PEBP4: variants seen among roughly 807,000 people sequenced by gnomAD.
PEBP4 encodes the protein phosphatidylethanolamine binding protein 4, also known as phosphatidylethanolamine-binding protein 4.
Under a neutral mutation model 23.9 loss-of-function variants are expected in PEBP4, and 22 were observed. That is an observed-to-expected ratio of 0.92 (90% CI 0.66 to 1.31). PEBP4 has a LOEUF of 1.31. Ranked by LOEUF, PEBP4 falls within the 40% of genes most tolerant of loss-of-function variation. The probability of loss-of-function intolerance (pLI) is 0.00; values close to 1 mark genes in which losing one functional copy is unlikely to be tolerated. For synonymous variants in PEBP4, 112 were observed against 99.3 expected (o/e 1.13, Z -0.76); for missense variants, 324 against 281.7 (o/e 1.15, Z -1.07).
intron 4 of PEBP4, among the ~76,000 whole-genome samples, chr8:22,805,256 G>A (rs1278302085): frequency 6.6e-6 from 1 of 152,230 alleles, no homozygotes; most frequent in Non-Finnish European, 1.5e-5. Context: ...CATCAAGAGT[G>A]AACCCTAATG....
intron 4 of PEBP4, among the ~76,000 whole-genome samples, chr8:22,736,547 G>C (rs1207901674): frequency 6.6e-6 from 1 of 152,200 alleles, no homozygotes; most frequent in Non-Finnish European, 1.5e-5. Flanking sequence ...CGAGGCTGTA[G>C]TGAGCTATAT....
At chr8:22,748,122 GAGGA>G (rs1184403354) in intron 4 of PEBP4, among the ~76,000 whole-genome samples, 1 of 152,222 alleles carries the variant, frequency 6.6e-6, no homozygotes, top group Non-Finnish European at 1.5e-5. Flanking sequence ...AGGGAGGTGT[GAGGA>G]AGGGAGACCA....
intron 4 of PEBP4, among the ~76,000 whole-genome samples, chr8:22,766,574 A>C (rs189916464): frequency 6.6e-6 from 1 of 152,316 alleles, no homozygotes; most frequent in African/African-American, 2.4e-5. Context: ...CTCTGCGATG[A>C]TGCGACCTGG....
chr8:22,744,001 G>A (rs1015769140), intron 4 of PEBP4, among the ~76,000 whole-genome samples: 1 of 152,224 alleles, frequency 6.6e-6, no homozygotes, highest in African/African-American at 2.4e-5. Flanking sequence ...TGGGGGTTGT[G>A]GCTGCAGGCC....
intron 4 of PEBP4, among the ~76,000 whole-genome samples, chr8:22,767,779 G>C (rs775703027): frequency 6.6e-6 from 1 of 152,010 alleles, no homozygotes; most frequent in Non-Finnish European, 1.5e-5. Context: ...TTTTGAGATG[G>C]AGTTTGGCTC....
At chr8:22,719,145 C>T (rs576230131) in intron 6 of PEBP4, among the ~76,000 whole-genome samples, 2 of 152,156 alleles carry the variant, frequency 1.3e-5, no homozygotes, top group African/African-American at 4.8e-5. Flanking sequence ...TGCTAGGGAG[C>T]GGCTTATGGC....
intron 4 of PEBP4, among the ~76,000 whole-genome samples, chr8:22,805,209 G>A (rs1183458927): frequency 2.0e-5 from 3 of 152,232 alleles, no homozygotes; most frequent in African/African-American, 4.8e-5. Context: ...GTGGATACAC[G>A]TCGTGATGCA....
At position 22,775,983 on chromosome 8, in the gene PEBP4, C is replaced by T. The variant is rs1563212564; in HGVS notation, c.357+41654G>A. ...TGGAACAATGGGGGTTGCAGATGCA[C>T]ACAGAGGGGTGTCTGTGTGCACCAG... On this transcript the variant is annotated intron_variant, in intron 4 of 6. Coordinates refer to ENST00000256404, the MANE Select transcript of PEBP4 (RefSeq NM_144962.3). This position sits in a 1 kb window ranked among gnomAD's most constrained non-coding sequence, Gnocchi z 4.8. Among the ~76,000 whole-genome samples the T allele has an allele frequency of 2.0e-5, 3 of 152,068 alleles. No individual in the cohort carries two copies. The highest frequency in any genetic ancestry group is 1.5e-5 in the Non-Finnish European group (1 of 67,998).
chr8:22,824,815 G>C (rs1260550940), intron 3 of PEBP4, among the ~76,000 whole-genome samples: 1 of 152,208 alleles, frequency 6.6e-6, no homozygotes, highest in Admixed American at 6.5e-5. Context: ...GTGGAGCCCA[G>C]GTGGTAACAG....
upstream of PEBP4, among the ~76,000 whole-genome samples, chr8:22,929,259 G>C (rs1563265610): frequency 6.6e-6 from 1 of 152,146 alleles, no homozygotes; most frequent in Non-Finnish European, 1.5e-5. Flanking sequence ...CACCTCCCAC[G>C]TGCCTGCCCC....
At chr8:22,841,711 C>A (rs1324311496) in intron 3 of PEBP4, among the ~76,000 whole-genome samples, 1 of 152,174 alleles carries the variant, frequency 6.6e-6, no homozygotes, top group Admixed American at 6.5e-5. Flanking sequence ...TAGAATGAAC[C>A]CTGCATGTAG....
At chr8:22,752,872 G>T (rs573581454) in intron 4 of PEBP4, among the ~76,000 whole-genome samples, 1 of 152,222 alleles carries the variant, frequency 6.6e-6, no homozygotes, top group South Asian at 2.1e-4. Flanking sequence ...TCAAGAAAAG[G>T]CTGTGGGCTT....
chr8:22,746,088 G>A (rs541833231), intron 4 of PEBP4, among the ~76,000 whole-genome samples: 1 of 152,008 alleles, frequency 6.6e-6, no homozygotes, highest in Admixed American at 6.6e-5. Flanking sequence ...CTCGTGGCAG[G>A]AGAAGCCTTT....
At chr8:22,899,264 C>T (rs553313249) in intron 3 of PEBP4, among the ~76,000 whole-genome samples, 15 of 152,342 alleles carry the variant, frequency 9.8e-5, no homozygotes, top group Admixed American at 3.9e-4. Context: ...CAAGGGCTGC[C>T]GGGGGCATTT....
At chr8:22,843,594 T>C (rs771082709) in intron 3 of PEBP4, among the ~76,000 whole-genome samples, 1 of 152,192 alleles carries the variant, frequency 6.6e-6, no homozygotes, top group African/African-American at 2.4e-5. Context: ...AATCCATGAA[T>C]GGAATCATCT....
At chr8:22,752,759 G>C (rs951937090) in intron 4 of PEBP4, among the ~76,000 whole-genome samples, 2 of 152,214 alleles carry the variant, frequency 1.3e-5, no homozygotes, top group Non-Finnish European at 1.5e-5. Context: ...TGGAGAGGCA[G>C]GATTCCAGAA....
At chr8:22,867,371 C>T (rs1807927191) in intron 3 of PEBP4, among the ~76,000 whole-genome samples, 1 of 152,168 alleles carries the variant, frequency 6.6e-6, no homozygotes, top group African/African-American at 2.4e-5. Context: ...CAGGTTTACT[C>T]TTGCTCAGAT....
intron 3 of PEBP4, among the ~76,000 whole-genome samples, chr8:22,847,335 A>G (rs986599908): frequency 2.6e-5 from 4 of 152,174 alleles, no homozygotes; most frequent in Non-Finnish European, 5.9e-5. Context: ...TATTTAAAAT[A>G]TATCCTTGGA....
chr8:22,920,351 A>G (rs1809175017), intron 2 of PEBP4, 41 bp from the exon 3 acceptor site: 3 of 1,588,992 alleles, frequency 1.9e-6, no homozygotes, highest in African/African-American at 1.3e-5. Context: ...TCAGGGTTTT[A>G]AGGGAGCCTG....
Sources: allele counts gnomAD v4.1 joint callset (sites outside exome capture counted in the v4.1 genomes callset), GRCh38; gene constraint gnomAD v4.1.1; non-coding constraint Gnocchi (gnomAD v3.1); transcripts MANE v1.5; gene names NCBI Gene and HGNC (gene_info 2026-07-23, HGNC 2026-07-21).